Variants in NRG1 observed in about 807,000 individuals in gnomAD.
NRG1 encodes the protein neuregulin 1, also known as pro-neuregulin-1, membrane-bound isoform.
In NRG1, 18 loss-of-function variants were observed where a neutral mutation model predicts 63.8. The observed-to-expected ratio is 0.28, with a 90% CI of 0.19 to 0.42. The LOEUF is 0.42. NRG1 is among the 10% of genes least tolerant of loss of function. NRG1 has a pLI of 1.00. For missense variants in NRG1, 762 were observed against 814.7 expected, an observed-to-expected ratio of 0.94 and a Z score of 0.79; for synonymous variants, 302 against 301.3, an observed-to-expected ratio of 1.00 and a Z score of -0.02.
intron 1 of NRG1, among the ~76,000 whole-genome samples, chr8:31,754,164 A>G (rs1173297386): frequency 6.6e-6 from 1 of 152,096 alleles, no homozygotes; most frequent in African/African-American, 2.4e-5. Flanking sequence ...GGTACTAAGG[A>G]TGAAATCTTG....
chr8:32,381,239 T>A (rs1325437988), intron 1 of NRG1, among the ~76,000 whole-genome samples: 1 of 152,218 alleles, frequency 6.6e-6, no homozygotes, highest in Non-Finnish European at 1.5e-5. Flanking sequence ...CCTGGAACAC[T>A]CTTCCCTTGA....
intron 1 of NRG1, among the ~76,000 whole-genome samples, chr8:32,158,657 T>C (rs562984275): frequency 3.3e-5 from 5 of 151,608 alleles, no homozygotes; most frequent in East Asian, 3.9e-4. Flanking sequence ...CTATACTGAA[T>C]GGATCTTCAT....
intron 1 of NRG1, among the ~76,000 whole-genome samples, chr8:31,708,338 G>T (rs1253426252): frequency 6.6e-6 from 1 of 152,086 alleles, no homozygotes; most frequent in East Asian, 1.9e-4. Context: ...AGGGATGGCT[G>T]ACCATGAGAT....
chr8:31,815,648 A>C (rs1586607122), intron 1 of NRG1, among the ~76,000 whole-genome samples: 1 of 152,124 alleles, frequency 6.6e-6, no homozygotes, highest in Non-Finnish European at 1.5e-5. Context: ...TCTGTGTTTA[A>C]ATTTTTGAGG....
At chr8:32,680,187 C>G (rs1359123412) in intron 5 of NRG1, among the ~76,000 whole-genome samples, 1 of 152,090 alleles carries the variant, frequency 6.6e-6, no homozygotes, top group Non-Finnish European at 1.5e-5. Context: ...AAATTATCTT[C>G]AGTTCCACAT....
intron 1 of NRG1, among the ~76,000 whole-genome samples, chr8:32,070,609 C>T (rs1462582615): frequency 6.6e-6 from 1 of 152,018 alleles, no homozygotes; most frequent in Admixed American, 6.5e-5. Flanking sequence ...AGTCCTGCTA[C>T]TGTTATTTCT....
At chr8:32,223,632 A>AT (rs920731016) in intron 1 of NRG1, among the ~76,000 whole-genome samples, 2 of 152,146 alleles carry the variant, frequency 1.3e-5, no homozygotes, top group Non-Finnish European at 2.9e-5. Flanking sequence ...ACTGTTGTGT[A>AT]TTTTTGCACC....
At chr8:32,744,225 G>C (rs1162603330) in intron 7 of NRG1, among the ~76,000 whole-genome samples, 1 of 152,074 alleles carries the variant, frequency 6.6e-6, no homozygotes, top group African/African-American at 2.4e-5. Flanking sequence ...ATTCTATAAT[G>C]TATAATGTTA....
chr8:32,626,858 T>G (rs866534315), intron 5 of NRG1, among the ~76,000 whole-genome samples: 3 of 150,904 alleles, frequency 2.0e-5, no homozygotes, highest in Non-Finnish European at 3.0e-5. Flanking sequence ...CTGTCTCTAC[T>G]AAAAATACAA....
intron 1 of NRG1, among the ~76,000 whole-genome samples, chr8:32,391,257 A>G (rs1339546012): frequency 6.6e-6 from 1 of 151,972 alleles, no homozygotes; most frequent in Non-Finnish European, 1.5e-5. Context: ...CAGCCTCCCT[A>G]ATAGCTGGGA....
At chr8:31,886,890 C>A (rs1291397224) in intron 1 of NRG1, among the ~76,000 whole-genome samples, 1 of 152,040 alleles carries the variant, frequency 6.6e-6, no homozygotes, top group Non-Finnish European at 1.5e-5. Context: ...ACTCAGGCTG[C>A]AGTTGATTTT....
In NRG1 at chr8:31,767,378, A is replaced by G. The variant is rs1241476248; in HGVS notation, c.37+127947A>G. Among the ~76,000 whole-genome samples the G allele has an allele frequency of 2.6e-5, 4 of 152,344 alleles. No individual in the cohort carries two copies. The South Asian group carries it at 6.2e-4, about 24-fold the overall frequency. ...AACTAGAGTCCTATGCTCCTTTAAC[A>G]ATGGAAAAATTATATTTTCCTTTTT... On this transcript the variant is annotated intron_variant, in intron 1 of 10. Transcript: ENST00000519301.
chr8:32,057,272 TG>T (rs1448461613), intron 1 of NRG1, among the ~76,000 whole-genome samples: 1 of 152,202 alleles, frequency 6.6e-6, no homozygotes, highest in Non-Finnish European at 1.5e-5. Flanking sequence ...AAGCTACAAC[TG>T]TATAATGACA....
At chr8:31,658,111 T>C (rs1805609919) in intron 1 of NRG1, among the ~76,000 whole-genome samples, 1 of 152,200 alleles carries the variant, frequency 6.6e-6, no homozygotes, top group Non-Finnish European at 1.5e-5. Flanking sequence ...ACAATGAACA[T>C]GCCATGTTAT....
At chr8:32,604,205 G>C (rs995275041) in intron 2 of NRG1, among the ~76,000 whole-genome samples, 1 of 152,078 alleles carries the variant, frequency 6.6e-6, no homozygotes, top group South Asian at 2.1e-4. Flanking sequence ...TGGAAGGTCA[G>C]CTGAGATTTT....
At chr8:31,683,697 G>A (rs180671164) in intron 1 of NRG1, among the ~76,000 whole-genome samples, 1 of 152,150 alleles carries the variant, frequency 6.6e-6, no homozygotes, top group East Asian at 1.9e-4. Context: ...ATGGACTTTG[G>A]GTGATAATAA....
rs190650878 is a variant in NRG1, at chr8:32,752,432, A to G, written c.692-1940A>G. Among the ~76,000 whole-genome samples the G allele has an allele frequency of 6.4e-4, 97 of 152,316 alleles. 1 individual carries two copies. The highest frequency in any genetic ancestry group is 2.3e-3 in the African/African-American group (95 of 41,566). ...TTTTGCTGCACACAAAATCCGTGAT[A>G]CCAACTCAATATCTCCTGGTACATT... On this transcript the variant is annotated intron_variant, in intron 7 of 11. Transcript: ENST00000356819.
chr8:31,868,909 A>C (rs1207709917), intron 1 of NRG1, among the ~76,000 whole-genome samples: 1 of 152,214 alleles, frequency 6.6e-6, no homozygotes, highest in Non-Finnish European at 1.5e-5. Context: ...TATGCGTTCT[A>C]TCTCAAGTGA....
At chr8:32,517,253 G>C (rs375559114) in intron 1 of NRG1, among the ~76,000 whole-genome samples, 16 of 152,070 alleles carry the variant, frequency 1.1e-4, no homozygotes, top group African/African-American at 3.9e-4. Context: ...TCTGTCTGGA[G>C]TACTTACCCA....
Sources: gnomAD v4.1 joint callset for allele counts (sites outside exome capture counted in the v4.1 genomes callset) on GRCh38, gnomAD v4.1.1 for gene constraint, MANE v1.5 for transcripts, NCBI Gene and HGNC (gene_info 2026-07-23, HGNC 2026-07-21) for gene names.